Variants in PRKN observed in about 807,000 individuals in gnomAD.
PRKN encodes parkin RBR E3 ubiquitin protein ligase.
A neutral mutation model predicts 59.5 loss-of-function variants in PRKN; 56 were observed. That is an observed-to-expected ratio of 0.94 (90% CI 0.76 to 1.18). The LOEUF is 1.18. Among genes scored for constraint, PRKN ranks in the 50% most tolerant of loss-of-function variants. The pLI is 0.00. For synonymous variants in PRKN, 250 were observed against 222.1 expected, an observed-to-expected ratio of 1.13 and a Z score of -1.12; for missense variants, 657 against 596.4, an observed-to-expected ratio of 1.10 and a Z score of -1.06.
intron 2 of PRKN, among the ~76,000 whole-genome samples, chr6:162,371,478 C>T (rs1785765272): frequency 6.6e-6 from 1 of 152,174 alleles, no homozygotes; most frequent in South Asian, 2.1e-4. Context: ...CCGGCTTTCT[C>T]ACTTTCTACT....
At chr6:162,232,442 T>C (rs1460053416) in intron 3 of PRKN, among the ~76,000 whole-genome samples, 1 of 152,154 alleles carries the variant, frequency 6.6e-6, no homozygotes, top group South Asian at 2.1e-4. Flanking sequence ...TCTTCCTCAC[T>C]AAATATAGCT....
At chr6:161,748,010 G>C (rs1019875683) in intron 7 of PRKN, among the ~76,000 whole-genome samples, 1 of 152,180 alleles carries the variant, frequency 6.6e-6, no homozygotes, top group African/African-American at 2.4e-5. Flanking sequence ...GGTGGCATTT[G>C]AGTCAGGTGT....
chr6:161,853,680 T>G (rs1447463140), intron 6 of PRKN, among the ~76,000 whole-genome samples: 1 of 152,164 alleles, frequency 6.6e-6, no homozygotes, highest in Non-Finnish European at 1.5e-5. Flanking sequence ...GAAATTAAAG[T>G]CCTCGTTGCT....
intron 2 of PRKN, among the ~76,000 whole-genome samples, chr6:162,376,740 GGAGAGGGAGACGGAGAGT>G: frequency 7.5e-6 from 1 of 132,802 alleles, no homozygotes; most frequent in African/African-American, 2.8e-5. Flanking sequence ...GGAGGGAGTG[GGAGAGGGAGACGGAGAGT>G]GAGAGGGAAA....
At chr6:161,589,827 TG>T (rs1781652517) in intron 7 of PRKN, among the ~76,000 whole-genome samples, 1 of 150,310 alleles carries the variant, frequency 6.7e-6, no homozygotes, top group Non-Finnish European at 1.5e-5. Context: ...TCACCCAGGC[TG>T]GTGTGTAGTG....
At chr6:162,456,258 A>C (rs563947338) in intron 1 of PRKN, among the ~76,000 whole-genome samples, 1 of 152,306 alleles carries the variant, frequency 6.6e-6, no homozygotes, top group Non-Finnish European at 1.5e-5. Context: ...AATAAGTAAG[A>C]TTCATCCACA....
chr6:162,504,018 C>T (rs1474490491), intron 1 of PRKN, among the ~76,000 whole-genome samples: 1 of 152,170 alleles, frequency 6.6e-6, no homozygotes, highest in African/African-American at 2.4e-5. Flanking sequence ...TTGAGAAGGG[C>T]TCTTCTTCCT....
At chr6:161,767,503 C>T (rs1193669934) in intron 7 of PRKN, among the ~76,000 whole-genome samples, 2 of 119,582 alleles carry the variant, frequency 1.7e-5, no homozygotes, top group South Asian at 3.2e-4. Context: ...GGCGACAGAG[C>T]AAAACTCCTT....
intron 2 of PRKN, among the ~76,000 whole-genome samples, chr6:162,392,779 T>G (rs1030644043): frequency 6.6e-6 from 1 of 152,196 alleles, no homozygotes; most frequent in East Asian, 1.9e-4. Context: ...AGCCTATCAT[T>G]GCTAAAATAA....
In PRKN at chr6:161,468,805, T is replaced by C. The variant is rs372836607; in HGVS notation, c.1083+80049A>G. On this transcript the variant is annotated intron_variant, in intron 9 of 11. Coordinates refer to ENST00000366898, the MANE Select transcript of PRKN (RefSeq NM_004562.3). The surrounding 1 kb of genome is among the most constrained non-coding windows in gnomAD (Gnocchi z 5.9). ...GTATGTTCATTCATTTGTGAAGTTGTCCTTGTGGCCACAGTTGAAGGCCCT... is the reference window on the plus strand; with the variant it reads ...GTATGTTCATTCATTTGTGAAGTTGCCCTTGTGGCCACAGTTGAAGGCCCT... Among the ~76,000 whole-genome samples, 1 of 152,322 alleles carries C rather than the reference T, an allele frequency of 6.6e-6. No individual in the cohort carries two copies. The highest frequency in any genetic ancestry group is 1.9e-4 in the East Asian group (1 of 5,176).
intron 4 of PRKN, among the ~76,000 whole-genome samples, chr6:162,071,055 G>A (rs1273387890): frequency 1.3e-5 from 2 of 152,080 alleles, no homozygotes; most frequent in African/African-American, 2.4e-5. Flanking sequence ...GAGCTCAGAT[G>A]TGCTAAAAGA....
chr6:162,411,516 T>C (rs1788353671), intron 2 of PRKN, among the ~76,000 whole-genome samples: 1 of 152,202 alleles, frequency 6.6e-6, no homozygotes, highest in Non-Finnish European at 1.5e-5. Flanking sequence ...AACTGTGCAA[T>C]GTGTGTGATA....
intron 6 of PRKN, among the ~76,000 whole-genome samples, chr6:161,891,279 G>A (rs1278215436): frequency 2.6e-5 from 4 of 152,080 alleles, no homozygotes; most frequent in Admixed American, 6.5e-5. Flanking sequence ...GTTCATGGGC[G>A]CCCCGAGGAA....
chr6:161,970,626 C>T (rs1780767830), intron 6 of PRKN, among the ~76,000 whole-genome samples: 1 of 151,838 alleles, frequency 6.6e-6, no homozygotes, highest in African/African-American at 2.4e-5. Flanking sequence ...CAACCTCCAC[C>T]TCCCGGATTC....
intron 3 of PRKN, among the ~76,000 whole-genome samples, chr6:162,255,231 G>A (rs1390821399): frequency 6.6e-6 from 1 of 152,132 alleles, no homozygotes; most frequent in Non-Finnish European, 1.5e-5. Flanking sequence ...CCCTGGATCT[G>A]TAAACCTAGG....
intron 6 of PRKN, among the ~76,000 whole-genome samples, chr6:161,957,424 G>A (rs953902096): frequency 1.0e-5 from 1 of 99,112 alleles, no homozygotes; most frequent in African/African-American, 4.5e-5. Flanking sequence ...TTTTTTGTTT[G>A]TTTGTTTGTT....
intron 1 of PRKN, among the ~76,000 whole-genome samples, chr6:162,463,661 T>C (rs1223018586): frequency 6.6e-6 from 1 of 152,164 alleles, no homozygotes; most frequent in African/African-American, 2.4e-5. Context: ...GGGCAAGTAA[T>C]AAACTATCCA....
At chr6:162,363,310 TAATTC>T (rs1209039350) in intron 2 of PRKN, among the ~76,000 whole-genome samples, 1 of 152,152 alleles carries the variant, frequency 6.6e-6, no homozygotes, top group African/African-American at 2.4e-5. Flanking sequence ...GATGCTGCTG[TAATTC>T]AATTTGGTTT....
At chr6:161,652,500 G>T (rs1582949810) in intron 7 of PRKN, among the ~76,000 whole-genome samples, 1 of 152,092 alleles carries the variant, frequency 6.6e-6, no homozygotes, top group Non-Finnish European at 1.5e-5. Context: ...ACACATAGGG[G>T]TTTATGTTGC....
Sources: gnomAD v4.1 joint callset for allele counts (sites outside exome capture counted in the v4.1 genomes callset) on GRCh38, gnomAD v4.1.1 for gene constraint, Gnocchi (gnomAD v3.1) non-coding constraint, MANE v1.5 for transcripts, NCBI Gene and HGNC (gene_info 2026-07-23, HGNC 2026-07-21) for gene names.